Variants in DDX19B observed in about 807,000 individuals in gnomAD.
DDX19B encodes ATP-dependent RNA helicase DDX19B.
DDX19B carries 27 observed loss-of-function variants against 58.1 expected under a neutral mutation model. The ratio of observed to expected loss-of-function variants is 0.46; its 90% CI spans 0.34 to 0.64. The LOEUF is 0.64. DDX19B is among the 30% of genes least tolerant of loss of function. DDX19B has a pLI of 0.01. For missense variants in DDX19B, 399 were observed against 596.5 expected (o/e 0.67, Z 3.45); for synonymous variants, 187 against 214.4 (o/e 0.87, Z 1.12).
At chr16:70,316,169 T>C (rs927224112) in intron 4 of DDX19B, 65 bp downstream of exon 4, 8 of 1,594,828 alleles carry the variant, frequency 5.0e-6, no homozygotes, top group East Asian at 4.5e-5. Context: ...AGGTCTGTTA[T>C]AGATATCTTT....
chr16:70,309,158 AC>A (rs1961939384), intron 1 of DDX19B, among the ~76,000 whole-genome samples: 1 of 151,724 alleles, frequency 6.6e-6, no homozygotes, highest in Non-Finnish European at 1.5e-5. Flanking sequence ...CTTTCCCAAC[AC>A]CAAAGCAGAA....
intron 7 of DDX19B, among the ~76,000 whole-genome samples, 182 bp from the exon 8 acceptor site, chr16:70,329,110 A>G (rs1262783234): frequency 6.6e-6 from 1 of 150,448 alleles, no homozygotes; most frequent in African/African-American, 2.4e-5. Context: ...GTAATCCTAG[A>G]TACTTGGGAG....
chr16:70,301,823 A>C (rs1184813832), intron 1 of DDX19B, among the ~76,000 whole-genome samples: 3 of 151,698 alleles, frequency 2.0e-5, no homozygotes, highest in African/African-American at 7.3e-5. Flanking sequence ...CTCCTGCCTC[A>C]GCCTCCCTCG....
At chr16:70,318,129 T>C (rs1962539463) in intron 5 of DDX19B, among the ~76,000 whole-genome samples, 1 of 148,590 alleles carries the variant, frequency 6.7e-6, no homozygotes, top group African/African-American at 2.5e-5. Flanking sequence ...TCCCAACACT[T>C]TGGGAGGCCA....
rs944018138 is a variant in DDX19B, at chr16:70,321,253, C to T, written c.390-3332C>T. Among the ~76,000 whole-genome samples the T allele has an allele frequency of 1.5e-4, 23 of 152,140 alleles. 1 individual carries two copies. Among genetic ancestry groups the T allele is most frequent in the East Asian group, 5.8e-4 (3 of 5,174 alleles). ...CTGGGATCACAGGCGTGAGCCACTG[C>T]GCCCGGCCTTCAGGCTTTTTTTTGT... On this transcript the variant is annotated intron_variant, in intron 5 of 11. Transcript: ENST00000288071.
chr16:70,329,616 C>A, intron 8 of DDX19B, 147 bp downstream of exon 8: 1 of 1,344,830 alleles, frequency 7.4e-7, no homozygotes, highest in Non-Finnish European at 1.0e-6. Flanking sequence ...TCCGTGTCAG[C>A]GCTGGCCACA....
intron 11 of DDX19B, 121 bp from the exon 12 acceptor site, chr16:70,333,400 T>C: frequency 7.1e-7 from 1 of 1,417,164 alleles, no homozygotes; most frequent in Non-Finnish European, 9.8e-7. Context: ...TGTCAGTGAC[T>C]AGGGGCCCTG....
intron 7 of DDX19B, among the ~76,000 whole-genome samples, chr16:70,327,501 C>T (rs1963232026): frequency 6.6e-6 from 1 of 151,874 alleles, no homozygotes; most frequent in South Asian, 2.1e-4. Context: ...CCACTGCACT[C>T]CAGCCTGGGC....
chr16:70,331,632 T>C (rs1294996060), intron 9 of DDX19B, 90 bp from the exon 10 acceptor site: 1 of 1,487,596 alleles, frequency 6.7e-7, no homozygotes, highest in East Asian at 2.4e-5. Context: ...GGCCTTCATG[T>C]ATTTTAATCG....
rs771528677 is a variant in DDX19B at position 70,329,795 on chromosome 16, C to T, written c.786-36C>T. On this transcript the variant is annotated intron_variant, in intron 8 of 11. Coordinates refer to ENST00000288071, the MANE Select transcript of DDX19B (RefSeq NM_007242.7). ...GCTGTGCTTCTGTCGCTTCCCGGGG[C>T]CACCTGGGGCCACCTACCAGGGCCT... The T allele has an allele frequency of 6.8e-6, 11 of 1,612,792 alleles. No individual in the cohort carries two copies. The Admixed American group carries it at 1.8e-4, about 27-fold the overall frequency.
intron 7 of DDX19B, among the ~76,000 whole-genome samples, chr16:70,327,027 G>A (rs1567637278): frequency 6.7e-6 from 1 of 150,290 alleles, no homozygotes; most frequent in Non-Finnish European, 1.5e-5. Context: ...GTAGAGACGG[G>A]GTTTCACTGT....
At chr16:70,321,326 C>A (rs1013865654) in intron 5 of DDX19B, among the ~76,000 whole-genome samples, 2 of 152,030 alleles carry the variant, frequency 1.3e-5, no homozygotes, top group African/African-American at 4.8e-5. Context: ...TACTTTGTTG[C>A]CCAGACTTGT....
chr16:70,313,398 G>A (rs749992783), intron 2 of DDX19B, among the ~76,000 whole-genome samples: 13 of 152,020 alleles, frequency 8.6e-5, no homozygotes, highest in East Asian at 1.9e-4. Flanking sequence ...CAGTCCTCCC[G>A]CCTCAGCCTC....
At chr16:70,328,185 G>A (rs1963282985) in intron 7 of DDX19B, among the ~76,000 whole-genome samples, 1 of 151,776 alleles carries the variant, frequency 6.6e-6, no homozygotes, top group Non-Finnish European at 1.5e-5. Context: ...GTTTGGTTGA[G>A]TTTTATGGAT....
At chr16:70,299,433 A>C (rs1033848968) in intron 1 of DDX19B, 79 bp downstream of exon 1, 1 of 1,455,378 alleles carries the variant, frequency 6.9e-7, no homozygotes, top group South Asian at 1.3e-5. Context: ...AATGTTTCCC[A>C]GGTTGATTAG....
intron 1 of DDX19B, among the ~76,000 whole-genome samples, chr16:70,300,263 TGG>T: frequency 6.6e-6 from 1 of 152,106 alleles, no homozygotes; most frequent in African/African-American, 2.4e-5. Flanking sequence ...TAGGGTGCAG[TGG>T]AGTGATCTTG....
rs138457654 is a variant in DDX19B at position 70,310,667 on chromosome 16, C to T, written c.58-1942C>T. 7.4e-4 allele frequency among the ~76,000 whole-genome samples: 113 copies of T among 152,278 alleles called. 1 individual carries two copies. The highest frequency in any genetic ancestry group is 2.4e-3 in the African/African-American group (101 of 41,568). ...TTTAGCTTGAAAGGTTACTTACTCA[C>T]GCCAGACTTTCCATCTATCTAATCC... is the stretch of plus-strand genomic sequence containing the variant. On this transcript the variant is annotated intron_variant, in intron 1 of 11. Transcript: ENST00000288071.
chr16:70,298,457 C>T (rs1380727275), upstream of DDX19B, among the ~76,000 whole-genome samples: 4 of 151,690 alleles, frequency 2.6e-5, no homozygotes, highest in East Asian at 7.8e-4. Context: ...AGCCACCACA[C>T]CTAGCTCTAT....
intron 1 of DDX19B, among the ~76,000 whole-genome samples, chr16:70,307,108 T>G (rs1371188382): frequency 6.6e-6 from 1 of 152,238 alleles, no homozygotes; most frequent in African/African-American, 2.4e-5. Context: ...ACATTTTATT[T>G]ATCCACTTAT....
Sources: allele counts gnomAD v4.1 joint callset (sites outside exome capture counted in the v4.1 genomes callset), GRCh38; gene constraint gnomAD v4.1.1; transcripts MANE v1.5; gene names NCBI Gene and HGNC (gene_info 2026-07-23, HGNC 2026-07-21).